ASH1L: variants seen among roughly 807,000 people sequenced by gnomAD.
The protein encoded by ASH1L is histone-lysine N-methyltransferase ASH1L.
ASH1L carries 23 observed loss-of-function variants against 269.0 expected under a neutral mutation model. The observed-to-expected ratio is 0.09, with a 90% confidence interval of 0.06 to 0.12. The LOEUF is 0.12. Ranked by LOEUF, ASH1L falls within the 10% of genes least tolerant of loss-of-function variation. ASH1L has a pLI of 1.00. For missense variants in ASH1L, 2,912 were observed against 3,567.8 expected (o/e 0.82, Z 4.68); for synonymous variants, 1,187 against 1,253.5 (o/e 0.95, Z 1.12).
intron 2 of ASH1L, among the ~76,000 whole-genome samples, chr1:155,488,619 A>C (rs1371884660): frequency 7.3e-6 from 1 of 137,498 alleles, no homozygotes; most frequent in Non-Finnish European, 1.5e-5. Context: ...CAGTGAGCCG[A>C]GATCACACCA....
At chr1:155,461,376 A>T (rs1664288453) in intron 3 of ASH1L, among the ~76,000 whole-genome samples, 1 of 138,980 alleles carries the variant, frequency 7.2e-6, no homozygotes. Flanking sequence ...ATTCAAGAGT[A>T]ACACGTTAAA....
intron 5 of ASH1L, among the ~76,000 whole-genome samples, chr1:155,435,943 C>G (rs955260695): frequency 3.3e-5 from 5 of 152,002 alleles, no homozygotes; most frequent in African/African-American, 1.2e-4. Flanking sequence ...CACAGCTGCT[C>G]AAGAGGCTGA....
chr1:155,505,197 G>A (rs964467330), intron 2 of ASH1L, among the ~76,000 whole-genome samples: 3 of 152,140 alleles, frequency 2.0e-5, no homozygotes, highest in African/African-American at 7.2e-5. Context: ...AGAAAACCCT[G>A]TGAGACATCC....
intron 5 of ASH1L, among the ~76,000 whole-genome samples, chr1:155,426,099 C>CT (rs1184214367): frequency 2.0e-5 from 3 of 151,954 alleles, no homozygotes; most frequent in African/African-American, 4.8e-5. Context: ...GGGTCTCACT[C>CT]TGTCACCCAG....
Position 155,370,712 on chromosome 1 carries a change from T to C in ASH1L, c.6540-62A>G, listed in dbSNP as rs1008440649. The C allele has an allele frequency of 6.8e-6, 11 of 1,611,930 alleles. No homozygotes were observed. In the African/African-American group the frequency reaches 1.3e-4, roughly 20 times the overall value. Reference sequence around the variant, plus strand: ...AGTAGCTGAAAGTAAATTTCACATCTTCCATTCTCCATTCTAATCTTATAC... The same window carrying C: ...AGTAGCTGAAAGTAAATTTCACATCCTCCATTCTCCATTCTAATCTTATAC... On this transcript the variant is annotated intron_variant, in intron 11 of 27. Coordinates refer to ENST00000392403, the MANE Select transcript of ASH1L (RefSeq NM_018489.3).
intron 6 of ASH1L, among the ~76,000 whole-genome samples, chr1:155,410,861 G>T (rs551335600): frequency 2.1e-5 from 3 of 142,122 alleles, no homozygotes; most frequent in Non-Finnish European, 4.6e-5. Flanking sequence ...CAGCTCCAGC[G>T]GCCTAAAGTG....
chr1:155,352,575 C>G (rs1363938453), intron 17 of ASH1L, 131 bp downstream of exon 17: 1 of 914,164 alleles, frequency 1.1e-6, no homozygotes, highest in Non-Finnish European at 1.6e-6. Context: ...GAGGCCTAGA[C>G]AGAAGGATCA....
At chr1:155,438,083 A>G (rs1350464843) in intron 5 of ASH1L, among the ~76,000 whole-genome samples, 1 of 152,134 alleles carries the variant, frequency 6.6e-6, no homozygotes, top group African/African-American at 2.4e-5. Context: ...CCTCACCTCA[A>G]GTGATCCATC....
intron 2 of ASH1L, among the ~76,000 whole-genome samples, chr1:155,489,838 C>G (rs866657967): frequency 1.1e-5 from 1 of 88,558 alleles, no homozygotes; most frequent in South Asian, 3.9e-4. Flanking sequence ...AAATAAATAA[C>G]AATATGGTAA....
intron 2 of ASH1L, among the ~76,000 whole-genome samples, chr1:155,507,501 A>C (rs1189997075): frequency 2.0e-5 from 3 of 152,196 alleles, no homozygotes; most frequent in Non-Finnish European, 4.4e-5. Flanking sequence ...CAATGACAAA[A>C]ATGTTAGTCA....
In ASH1L at chr1:155,480,735, CTTT is replaced by C. The variant is rs1558150870; in HGVS notation, c.2132_2134del (p.Lys711del). 5 of 1,612,984 alleles carry C rather than the reference CTTT, an allele frequency of 3.1e-6. No homozygotes were observed. The highest frequency in any genetic ancestry group is 4.2e-6 in the Non-Finnish European group (5 of 1,179,560). On this transcript the variant is annotated inframe_deletion, in exon 3 of 28. Transcript: ENST00000392403. ...AGTCCACCGAGGTTTTCTTCCTTTT[CTTT>C]TTTTTAATGGTTTGGACTGCAAACT...
chr1:155,426,090 G>A (rs1317992072), intron 5 of ASH1L, among the ~76,000 whole-genome samples: 21 of 146,340 alleles, frequency 1.4e-4, no homozygotes, highest in African/African-American at 4.1e-4. Context: ...TTTAAGACAG[G>A]GTCTCACTCT....
At chr1:155,516,105 G>C (rs1668488162) in intron 2 of ASH1L, among the ~76,000 whole-genome samples, 2 of 151,938 alleles carry the variant, frequency 1.3e-5, no homozygotes, top group African/African-American at 4.8e-5. Context: ...CAGTATACTA[G>C]TTGTTTAAGT....
In ASH1L at chr1:155,428,207, G is replaced by A. The variant is rs188586032; in HGVS notation, c.5828+10120C>T. Among the ~76,000 whole-genome samples the A allele has an allele frequency of 1.7e-3, 264 of 152,260 alleles. 1 individual carries two copies. Among genetic ancestry groups the A allele is most frequent in the African/African-American group, 6.1e-3 (253 of 41,540 alleles). On this transcript the variant is annotated intron_variant, in intron 5 of 27. Coordinates refer to ENST00000392403, the MANE Select transcript of ASH1L (RefSeq NM_018489.3). ...TAATCCCAGCACTTTGGGAGGCCAA[G>A]GCAGGTGGATCACCTGAGGTCAGGA... is the stretch of plus-strand genomic sequence containing the variant.
At position 155,562,724 on chromosome 1, in the gene ASH1L, C is replaced by T. The variant is rs1672115190; in HGVS notation, c.-671G>A. On this transcript the variant is annotated 5_prime_UTR_variant, in exon 1 of 28. Coordinates refer to ENST00000392403, the MANE Select transcript of ASH1L (RefSeq NM_018489.3). ...CCACAGGAACCCCCTCGTCCAGTCC[C>T]TCACTACCCCTCAGGCCCTGTCAAG... is the stretch of plus-strand genomic sequence containing the variant. 2 of 1,373,926 alleles carry T rather than the reference C, an allele frequency of 1.5e-6. No individual in the cohort carries two copies. Among genetic ancestry groups the T allele is most frequent in the Admixed American group, 4.0e-5 (2 of 50,000 alleles). The allele number at this position is 1,373,926 out of a possible 1,614,324, so 85.1% of individuals were successfully genotyped here.
chr1:155,373,222 CAAAAAAA>C (rs112837083), intron 10 of ASH1L, among the ~76,000 whole-genome samples: 1 of 136,730 alleles, frequency 7.3e-6, no homozygotes, highest in Non-Finnish European at 1.6e-5. Flanking sequence ...AAAAAAAAAA[CAAAAAAA>C]AAACAAAAAA....
At chr1:155,425,952 G>A (rs1250438746) in intron 5 of ASH1L, among the ~76,000 whole-genome samples, 4 of 150,744 alleles carry the variant, frequency 2.7e-5, no homozygotes, top group African/African-American at 7.3e-5. Context: ...GCAGTGGCGC[G>A]ATCTCGGCTC....
At chr1:155,505,287 C>G (rs563718807) in intron 2 of ASH1L, among the ~76,000 whole-genome samples, 1 of 152,182 alleles carries the variant, frequency 6.6e-6, no homozygotes, top group Non-Finnish European at 1.5e-5. Flanking sequence ...AAGTTGTCAA[C>G]ACCTAATTTT....
chr1:155,352,297 C>CAAAAAAAA (rs1281473342), intron 17 of ASH1L, among the ~76,000 whole-genome samples: 17 of 28,046 alleles, frequency 6.1e-4, no homozygotes, highest in Non-Finnish European at 9.9e-4. Flanking sequence ...ACCTCCATCT[C>CAAAAAAAA]AAAAAAAAAA....
Sources: allele counts gnomAD v4.1 joint callset (sites outside exome capture counted in the v4.1 genomes callset), GRCh38; gene constraint gnomAD v4.1.1; transcripts MANE v1.5; gene names NCBI Gene and HGNC (gene_info 2026-07-23, HGNC 2026-07-21).